EIF5B: variants seen among roughly 807,000 people sequenced by gnomAD.
EIF5B encodes the protein eIF-5B.
In EIF5B, 47 loss-of-function variants were observed where a neutral mutation model predicts 147.5. The ratio of observed to expected loss-of-function variants is 0.32; its 90% CI spans 0.25 to 0.41. The LOEUF (loss-of-function observed/expected upper bound fraction) is 0.41, where lower values mean the gene tolerates loss of function less well. EIF5B is among the 10% of genes least tolerant of loss of function. The pLI, the probability that EIF5B is intolerant of heterozygous loss-of-function variation, is 1.00. For synonymous variants in EIF5B, 455 were observed against 456.2 expected (o/e 1.00, Z 0.03); for missense variants, 1,064 against 1,413.2 (o/e 0.75, Z 3.96).
In EIF5B at chr2:99,361,813, T is replaced by G. The variant is rs777292445; in HGVS notation, c.912T>G (p.Ala304=). Reference sequence around the variant, plus strand: ...AAGAGAAAGCAGAGACTCCCACAGCTGCAGAAGGTTGGTTAATACTTTAGA... The same window carrying G: ...AAGAGAAAGCAGAGACTCCCACAGCGGCAGAAGGTTGGTTAATACTTTAGA... ...ASEEKAETPT[A]AEDDNEGDKK... is the part of the protein sequence containing the mutation. Residue 304 remains alanine, a synonymous_variant, in exon 4 of 24, where the codon GCT becomes GCG. Coordinates refer to ENST00000289371, the MANE Select transcript of EIF5B (RefSeq NM_015904.4). 1.3e-6 allele frequency: 2 copies of G among 1,540,674 alleles called. No homozygotes were observed. The highest frequency in any genetic ancestry group is 1.7e-6 in the Non-Finnish European group (2 of 1,154,856).
At position 99,361,778 on chromosome 2, in the gene EIF5B, C is replaced by T. The variant is rs1015028157; in HGVS notation, c.877C>T (p.Pro293Ser). The T allele has an allele frequency of 1.3e-6, 2 of 1,570,456 alleles. No individual in the cohort carries two copies. The highest frequency in any genetic ancestry group is 1.4e-5 in the African/African-American group (1 of 72,194). Residue 293 changes from proline to serine, a missense_variant, in exon 4 of 24, where the codon CCT becomes TCT. Pro to Ser is a moderately conservative substitution (Grantham distance 74). Around this residue, in one of 4 missense-constraint regions of EIF5B, gnomAD observed 458 missense variants for 451.3 expected, o/e 1.01. Coordinates refer to ENST00000289371, the MANE Select transcript of EIF5B (RefSeq NM_015904.4). ...AGTGACTGTTGATACTGGAGTAATT[C>T]CTGCCTCTGAAGAGAAAGCAGAGAC... Reference protein sequence around the residue: ...SKVTVDTGVIPASEEKAETPT... With the variant: ...SKVTVDTGVISASEEKAETPT...
At position 99,338,341 on chromosome 2, in the gene EIF5B, T is replaced by C. The variant is rs1177528866; in HGVS notation, c.35+752T>C. ...CCTAGAGATTTTTGAGACATTTCTGTGTGTCACATTCGATTGAGTTCTGTT... is the reference window on the plus strand; with the variant it reads ...CCTAGAGATTTTTGAGACATTTCTGCGTGTCACATTCGATTGAGTTCTGTT... On this transcript the variant is annotated intron_variant, in intron 1 of 23. Coordinates refer to ENST00000289371, the MANE Select transcript of EIF5B (RefSeq NM_015904.4). 8 of 1,289,090 alleles carry C rather than the reference T, an allele frequency of 6.2e-6. No homozygotes were observed. In the Admixed American group the frequency reaches 1.8e-4, roughly 30 times the overall value. 79.9% of individuals were successfully genotyped at this position (1,289,090 alleles called of 1,614,324 possible).
At chr2:99,367,860 A>C (rs1378122100) in intron 6 of EIF5B, among the ~76,000 whole-genome samples, 5 of 152,230 alleles carry the variant, frequency 3.3e-5, no homozygotes, top group African/African-American at 1.2e-4. Context: ...CTTATGTTTC[A>C]TCATTCACAC....
At chr2:99,349,312 A>C (rs1000459251) in intron 1 of EIF5B, among the ~76,000 whole-genome samples, 12 of 152,166 alleles carry the variant, frequency 7.9e-5, no homozygotes, top group Admixed American at 5.9e-4. Context: ...TGAAGTGTGG[A>C]ATAATTTGGA....
In EIF5B at chr2:99,361,293, T is replaced by G; in HGVS notation, c.392T>G (p.Val131Gly). 1 of 1,611,714 alleles carries G rather than the reference T, an allele frequency of 6.2e-7. No homozygotes were observed. The highest frequency in any genetic ancestry group is 8.5e-7 in the Non-Finnish European group (1 of 1,179,358). ...TCAAAAAAGACTGCAAAACCGAAAG[T>G]GGAAATGTACTCTGGGAGTGATGAT... ...SKSKKTAKPK[V>G]EMYSGSDDDD... Residue 131 changes from valine to glycine, a missense_variant, in exon 4 of 24, where the codon GTG becomes GGG. By Grantham distance (109) the Val-to-Gly change is moderately radical (BLOSUM62 -3). Transcript: ENST00000289371.
At chr2:99,388,435 G>GT (rs1559259074) in intron 14 of EIF5B, among the ~76,000 whole-genome samples, 8 of 90,186 alleles carry the variant, frequency 8.9e-5, no homozygotes, top group South Asian at 3.0e-4. Flanking sequence ...TTGTTTTTTT[G>GT]GTTTTTTTGT....
At chr2:99,398,963 T>TG in intron 23 of EIF5B, 54 bp downstream of exon 23, 5 of 1,575,616 alleles carry the variant, frequency 3.2e-6, no homozygotes, top group Non-Finnish European at 4.3e-6. Flanking sequence ...TCACTCTTCT[T>TG]GGGTCACCTG....
chr2:99,370,065 G>A (rs1559251880), intron 8 of EIF5B, among the ~76,000 whole-genome samples: 1 of 152,128 alleles, frequency 6.6e-6, no homozygotes, highest in Admixed American at 6.5e-5. Context: ...CTCAAAAAAA[G>A]ATCTGAAGGT....
chr2:99,376,813 C>G (rs551487812), intron 10 of EIF5B, among the ~76,000 whole-genome samples, 177 bp downstream of exon 10: 1 of 152,020 alleles, frequency 6.6e-6, no homozygotes, highest in South Asian at 2.1e-4. Context: ...ACCCAAGGAC[C>G]CCCCGTCCCC....
rs1164601013 is a variant in EIF5B, at chr2:99,400,223, GTTTTAATCTTGATCTGTTTTAGTAGAGAT to G, written c.*815_*843del. ...GATTTTTATACATTAATCTTGATCT[GTTTTAATCTTGATCTGTTTTAGTAGAGAT>G]TTTTATACATTAATCTTGATCTGTT... On this transcript the variant is annotated 3_prime_UTR_variant, in exon 24 of 24. Coordinates refer to ENST00000289371, the MANE Select transcript of EIF5B (RefSeq NM_015904.4). The G allele has an allele frequency of 8.8e-5, 13 of 146,938 alleles. No homozygotes were observed. The highest frequency in any genetic ancestry group is 3.5e-4 in the African/African-American group (13 of 36,654). 9.1% of individuals were successfully genotyped at this position (146,938 alleles called of 1,614,324 possible).
chr2:99,343,175 C>T (rs1009437416), intron 1 of EIF5B, among the ~76,000 whole-genome samples: 6 of 151,272 alleles, frequency 4.0e-5, no homozygotes, highest in East Asian at 2.0e-4. Flanking sequence ...AGGCTGGTCT[C>T]GAAATCCTCA....
intron 1 of EIF5B, among the ~76,000 whole-genome samples, chr2:99,350,958 A>G (rs1336141236): frequency 6.6e-6 from 1 of 152,236 alleles, no homozygotes. Context: ...TTTTAACTCC[A>G]CATTACTGTG....
rs554269172 is a variant in EIF5B at position 99,368,593 on chromosome 2, T to C, written c.1387+2T>C. On this transcript the variant is annotated splice_donor_variant, in intron 7 of 23. Coordinates refer to ENST00000289371, the MANE Select transcript of EIF5B (RefSeq NM_015904.4). LOFTEE classifies it high-confidence loss of function. ...CACAGCAGCTAGAAAGTAAAGAAGGTTTGTATACAAAATAGCCTCTAATTT... is the reference window on the plus strand; with the variant it reads ...CACAGCAGCTAGAAAGTAAAGAAGGCTTGTATACAAAATAGCCTCTAATTT... 1.9e-5 allele frequency: 30 copies of C among 1,603,084 alleles called. No individual in the cohort carries two copies. In the South Asian group the frequency reaches 3.2e-4, roughly 17 times the overall value.
In EIF5B at chr2:99,400,544, T is replaced by C. The variant is rs1675229267; in HGVS notation, c.*1130T>C. 6.6e-6 allele frequency: 1 copy of C among 152,216 alleles called. No homozygotes were observed. The highest frequency in any genetic ancestry group is 6.5e-5 in the Admixed American group (1 of 15,276). The allele number at this position is 152,216 out of a possible 1,614,324, so 9.4% of individuals were successfully genotyped here. ...TAACATAAAAATATTTTATATACGT[T>C]TGAAAAATCTATACCGTTCTTTTTT... is the stretch of plus-strand genomic sequence containing the variant. On this transcript the variant is annotated 3_prime_UTR_variant, in exon 24 of 24. Coordinates refer to ENST00000289371, the MANE Select transcript of EIF5B (RefSeq NM_015904.4).
chr2:99,364,922 T>C (rs1219437836), intron 6 of EIF5B, among the ~76,000 whole-genome samples: 1 of 152,170 alleles, frequency 6.6e-6, no homozygotes, highest in Non-Finnish European at 1.5e-5. Flanking sequence ...CAACAAGATA[T>C]CCCAGGTTCA....
intron 17 of EIF5B, among the ~76,000 whole-genome samples, chr2:99,391,734 T>C (rs1469819734): frequency 6.6e-6 from 1 of 150,768 alleles, no homozygotes; most frequent in Non-Finnish European, 1.5e-5. Context: ...TGGCTCTTTT[T>C]TTTTTTTTTT....
intron 9 of EIF5B, among the ~76,000 whole-genome samples, chr2:99,374,007 G>A (rs1465441997): frequency 1.3e-5 from 2 of 151,820 alleles, no homozygotes; most frequent in Admixed American, 1.3e-4. Flanking sequence ...CATTGCTCTC[G>A]GCCAGGCATG....
In EIF5B at chr2:99,337,589, G is replaced by A; in HGVS notation, c.35G>A (p.Ser12Asn). 1 of 1,612,724 alleles carries A rather than the reference G, an allele frequency of 6.2e-7. No individual in the cohort carries two copies. Among genetic ancestry groups the A allele is most frequent in the Non-Finnish European group, 8.5e-7 (1 of 1,179,474 alleles). The change falls in exon 1 of 24, where the codon AGC (serine) becomes AAC (asparagine). Residue 12 changes from serine (S) to asparagine (N), a missense_variant and splice_region_variant. Transcript: ENST00000289371. ...GKKQKNKSED[S>N]TKDDIDLDAL... ...AAACAGAAAAACAAGAGCGAAGACAGGTAGATAGGGGTTGGGTCCGTACGG... is the reference window on the plus strand; with the variant it reads ...AAACAGAAAAACAAGAGCGAAGACAAGTAGATAGGGGTTGGGTCCGTACGG...
chr2:99,348,389 T>G (rs1050990852), intron 1 of EIF5B, among the ~76,000 whole-genome samples: 3 of 152,222 alleles, frequency 2.0e-5, no homozygotes, highest in African/African-American at 7.2e-5. Flanking sequence ...TTTGTGGTTA[T>G]AAGTGGTGGG....
Sources: allele counts gnomAD v4.1 joint callset (sites outside exome capture counted in the v4.1 genomes callset), GRCh38; gene constraint gnomAD v4.1.1; regional missense constraint gnomAD v4.1.1; transcripts MANE v1.5; gene names NCBI Gene and HGNC (gene_info 2026-07-23, HGNC 2026-07-21).